Variants in FAT3 observed in about 807,000 individuals in gnomAD.
The protein encoded by FAT3 is FAT atypical cadherin 3.
In FAT3, 95 loss-of-function variants were observed where a neutral mutation model predicts 310.2. That is an observed-to-expected ratio of 0.31 (90% CI 0.26 to 0.36). FAT3 has a LOEUF of 0.36. Ranked by LOEUF, FAT3 falls within the 10% of genes least tolerant of loss-of-function variation. FAT3 has a pLI of 1.00. For missense variants in FAT3, 5,408 were observed against 5,715.6 expected (o/e 0.95, Z 1.74); for synonymous variants, 2,314 against 2,192.9 (o/e 1.06, Z -1.54).
chr11:92,266,347 A>AGT (rs1325846364), intron 1 of FAT3, among the ~76,000 whole-genome samples: 1 of 152,140 alleles, frequency 6.6e-6, no homozygotes, highest in African/African-American at 2.4e-5. Flanking sequence ...GAGCTGAGGA[A>AGT]GTGTCTTCAG....
chr11:92,628,578 A>T (rs1941422689), intron 3 of FAT3, among the ~76,000 whole-genome samples: 1 of 152,234 alleles, frequency 6.6e-6, no homozygotes, highest in Non-Finnish European at 1.5e-5. Context: ...ATTGCAATTG[A>T]CAGAGTGCTT....
chr11:92,711,193 T>A (rs1363492268), intron 4 of FAT3, among the ~76,000 whole-genome samples: 1 of 152,224 alleles, frequency 6.6e-6, no homozygotes. Context: ...ATATTTCATA[T>A]AATCCTACAT....
At chr11:92,479,027 G>A (rs1007167579) in intron 2 of FAT3, among the ~76,000 whole-genome samples, 1 of 140,176 alleles carries the variant, frequency 7.1e-6, no homozygotes, top group Non-Finnish European at 1.6e-5. Flanking sequence ...TTAGAGACAG[G>A]GTCTTGCACT....
At chr11:92,301,185 T>C (rs1048405470) in intron 1 of FAT3, among the ~76,000 whole-genome samples, 3 of 152,140 alleles carry the variant, frequency 2.0e-5, no homozygotes, top group South Asian at 4.1e-4. Flanking sequence ...TACACTCACA[T>C]AGGGGTTACA....
chr11:92,623,835 C>T (rs1014878275), intron 3 of FAT3, among the ~76,000 whole-genome samples: 7 of 151,984 alleles, frequency 4.6e-5, no homozygotes, highest in South Asian at 2.1e-4. Context: ...CCCAGCTACT[C>T]GGGAGGCTGA....
intron 4 of FAT3, among the ~76,000 whole-genome samples, chr11:92,746,208 A>G (rs541811298): frequency 6.6e-6 from 1 of 152,244 alleles, no homozygotes; most frequent in Non-Finnish European, 1.5e-5. Context: ...ACTGAAGCTC[A>G]GTAATTTATA....
chr11:92,664,387 C>T (rs1942889620), intron 3 of FAT3, among the ~76,000 whole-genome samples: 1 of 152,184 alleles, frequency 6.6e-6, no homozygotes, highest in African/African-American at 2.4e-5. Context: ...ATCTGATACT[C>T]AGGAGATGGT....
intron 3 of FAT3, among the ~76,000 whole-genome samples, chr11:92,689,402 A>T (rs1943731252): frequency 1.3e-5 from 2 of 152,246 alleles, no homozygotes; most frequent in African/African-American, 4.8e-5. Context: ...CATGCACATC[A>T]GTGGTATGTA....
chr11:92,481,182 A>G (rs975927263), intron 2 of FAT3, among the ~76,000 whole-genome samples: 2 of 152,224 alleles, frequency 1.3e-5, no homozygotes, highest in Non-Finnish European at 2.9e-5. Flanking sequence ...AATCATTTCA[A>G]TCAGTTAAAA....
intron 2 of FAT3, among the ~76,000 whole-genome samples, chr11:92,465,645 T>C (rs955312969): frequency 1.3e-5 from 2 of 152,204 alleles, no homozygotes; most frequent in South Asian, 4.1e-4. Flanking sequence ...TTCTCACTCA[T>C]AGGTGGGAAT....
At chr11:92,247,815 G>T (rs1278304067) in intron 1 of FAT3, among the ~76,000 whole-genome samples, 1 of 149,400 alleles carries the variant, frequency 6.7e-6, no homozygotes, top group Non-Finnish European at 1.5e-5. Flanking sequence ...ATTAAAAAAT[G>T]CAAGTTCTTA....
At chr11:92,652,517 C>A (rs938643100) in intron 3 of FAT3, among the ~76,000 whole-genome samples, 2 of 152,168 alleles carry the variant, frequency 1.3e-5, no homozygotes, top group African/African-American at 4.8e-5. Flanking sequence ...GAGCTACAAA[C>A]AAGGCTTTGA....
intron 3 of FAT3, among the ~76,000 whole-genome samples, chr11:92,644,237 C>T (rs981876879): frequency 3.3e-5 from 5 of 152,238 alleles, no homozygotes; most frequent in African/African-American, 4.8e-5. Context: ...GCCAAGTACC[C>T]TGCTCAGTTG....
intron 14 of FAT3, among the ~76,000 whole-genome samples, chr11:92,832,799 C>T (rs3847536): frequency 0.8 from 122,181 of 152,070 alleles, 49,366 homozygotes; most frequent in Non-Finnish European, 0.84. Context: ...ACTACCACTC[C>T]TTCATCACAT....
At chr11:92,590,014 A>G (rs760362176) in intron 3 of FAT3, among the ~76,000 whole-genome samples, 4 of 152,116 alleles carry the variant, frequency 2.6e-5, no homozygotes, top group Admixed American at 6.6e-5. Context: ...TTCTCTCCTT[A>G]TAGAACTTCA....
chr11:92,288,799 T>C (rs1208125371), intron 1 of FAT3, among the ~76,000 whole-genome samples: 1 of 152,184 alleles, frequency 6.6e-6, no homozygotes, highest in Non-Finnish European at 1.5e-5. Flanking sequence ...CAAAAAACAT[T>C]GCTAAAAAGG....
chr11:92,333,352 G>C (rs1947967848), intron 1 of FAT3, among the ~76,000 whole-genome samples: 1 of 152,090 alleles, frequency 6.6e-6, no homozygotes, highest in South Asian at 2.1e-4. Flanking sequence ...TTCTCCTTAA[G>C]TCATATTAGT....
intron 3 of FAT3, among the ~76,000 whole-genome samples, chr11:92,554,782 G>C (rs1184277480): frequency 6.6e-6 from 1 of 152,156 alleles, no homozygotes; most frequent in Non-Finnish European, 1.5e-5. Context: ...TGTGCTATCT[G>C]TGTCATGGTG....
intron 2 of FAT3, among the ~76,000 whole-genome samples, chr11:92,375,078 G>A (rs774043292): frequency 1.3e-5 from 2 of 151,928 alleles, no homozygotes; most frequent in East Asian, 3.9e-4. Flanking sequence ...ATTAGTAATC[G>A]TCAAATAATT....
Sources: gnomAD v4.1 joint callset for allele counts (sites outside exome capture counted in the v4.1 genomes callset) on GRCh38, gnomAD v4.1.1 for gene constraint, MANE v1.5 for transcripts, NCBI Gene and HGNC (gene_info 2026-07-23, HGNC 2026-07-21) for gene names.